The following FAAP100 variants were observed in gnomAD, a reference collection of about 807,000 sequenced individuals.
FAAP100 encodes the protein Fanconi anemia core complex-associated protein 100.
A neutral mutation model predicts 65.8 loss-of-function variants in FAAP100; 46 were observed. The ratio of observed to expected loss-of-function variants is 0.70; its 90% CI spans 0.55 to 0.89. The LOEUF is 0.89. Ranked by LOEUF, FAAP100 falls within the 40% of genes least tolerant of loss-of-function variation. The probability of loss-of-function intolerance (pLI) is 0.00; values close to 1 mark genes in which losing one functional copy is unlikely to be tolerated. For synonymous variants in FAAP100, 663 were observed against 555.1 expected (o/e 1.19, Z -2.73); for missense variants, 1,165 against 1,196.7 (o/e 0.97, Z 0.39).
chr17:81,546,879 G>C, intron 5 of FAAP100, 30 bp downstream of exon 5: 1 of 1,362,028 alleles, frequency 7.3e-7, no homozygotes, highest in Non-Finnish European at 9.5e-7. Context: ...AAATCCCCAA[G>C]GCTGAGCAAA....
Position 81,551,900 on chromosome 17 carries a change from G to T in FAAP100, c.290+28C>A, listed in dbSNP as rs753881970. ...CAGTCCGGGGGCAGCAGGAGTGTGCGGGAGGGAGGCCGCGGGCCCGCCCTC... is the reference window on the plus strand; with the variant it reads ...CAGTCCGGGGGCAGCAGGAGTGTGCTGGAGGGAGGCCGCGGGCCCGCCCTC... On this transcript the variant is annotated intron_variant, in intron 2 of 8. Coordinates refer to ENST00000327787, the MANE Select transcript of FAAP100 (RefSeq NM_025161.6). 2.1e-5 allele frequency: 32 copies of T among 1,530,828 alleles called. No individual in the cohort carries two copies. In the African/African-American group the frequency reaches 2.6e-4, roughly 12 times the overall value. The allele number at this position is 1,530,828 out of a possible 1,614,324, so 94.8% of individuals were successfully genotyped here.
At chr17:81,552,633 A>C (rs1358588528), upstream of FAAP100, among the ~76,000 whole-genome samples, 2 of 152,066 alleles carry the variant, frequency 1.3e-5, no homozygotes, top group Non-Finnish European at 2.9e-5. Flanking sequence ...CGGGTTCCCC[A>C]GGGTGGGGAA....
In FAAP100 at chr17:81,544,106, G is replaced by A. The variant is rs1182475583; in HGVS notation, c.2325C>T (p.Asp775=). 6.2e-7 allele frequency: 1 copy of A among 1,611,444 alleles called. No individual in the cohort carries two copies. Among genetic ancestry groups the A allele is most frequent in the African/African-American group, 1.3e-5 (1 of 74,894 alleles). ...HLIVREVAMT[D]LCPAGPIQAV... Reference sequence around the variant, plus strand: ...CCTGGATGGGCCCTGCTGGGCACAGGTCAGTCATGGCCACCTGCAACACAG... The same window carrying A: ...CCTGGATGGGCCCTGCTGGGCACAGATCAGTCATGGCCACCTGCAACACAG... The change falls in exon 7 of 9, where the codon GAC becomes GAT. Residue 775 remains aspartate, a synonymous_variant. Transcript: ENST00000327787.
rs750191062 is a variant in FAAP100, at chr17:81,541,371, G to A, written c.2452C>T (p.Gln818Ter). Residue 818 changes from glutamine to a stop codon, truncating the protein, a stop_gained, in exon 8 of 9, where the codon CAG becomes TAG. Coordinates refer to ENST00000327787, the MANE Select transcript of FAAP100 (RefSeq NM_025161.6). LOFTEE classifies it high-confidence loss of function. Reference protein sequence around the residue: ...MQTMVTEQATQGSSAPDLRVQ... With the variant: ...MQTMVTEQAT ...CGGAGATCAGGAGCGCTGGAGCCCT[G>A]GGTGGCCTGCTCTGTCACCATCGTC... The A allele has an allele frequency of 1.9e-6, 3 of 1,611,384 alleles. No homozygotes were observed. The highest frequency in any genetic ancestry group is 2.7e-5 in the African/African-American group (2 of 74,930).
chr17:81,540,760 T>G lies in FAAP100; in HGVS notation c.*59A>C. ...CGGTTTCCCTCTAACCCATGAGGCC[T>G]GGGGGGGCTGTGACAGAGGCTGGAA... is the stretch of plus-strand genomic sequence containing the variant. On this transcript the variant is annotated 3_prime_UTR_variant, in exon 9 of 9. Coordinates refer to ENST00000327787, the MANE Select transcript of FAAP100 (RefSeq NM_025161.6). 6.9e-7 allele frequency: 1 copy of G among 1,453,208 alleles called. No homozygotes were observed. The allele number at this position is 1,453,208 out of a possible 1,614,324, so 90.0% of individuals were successfully genotyped here. A position where few individuals can be genotyped will look rare whatever the true frequency, so the allele number is the denominator to read the frequency against.
In FAAP100 at chr17:81,551,975, G is replaced by T; in HGVS notation, c.243C>A (p.Ala81=). 6.4e-7 allele frequency: 1 copy of T among 1,565,394 alleles called. No homozygotes were observed. The change falls in exon 2 of 9, where the codon GCC becomes GCA. Residue 81 remains alanine (A), a synonymous_variant. Coordinates refer to ENST00000327787, the MANE Select transcript of FAAP100 (RefSeq NM_025161.6). ...APRRLLYALC[A]RRGLYCLSLD... is the part of the protein sequence containing the mutation. ...GCGACAGGCAGTAGAGGCCCCTCCG[G>T]GCGCACAGCGCGTACAGCAACCTGC... is the stretch of plus-strand genomic sequence containing the variant.
At chr17:81,544,659 G>A (rs2033235006) in intron 6 of FAAP100, among the ~76,000 whole-genome samples, 1 of 152,232 alleles carries the variant, frequency 6.6e-6, no homozygotes, top group South Asian at 2.1e-4. Flanking sequence ...GGCAAGAACA[G>A]GCCAAGAGCC....
chr17:81,542,625 C>T (rs1309389064), intron 7 of FAAP100, among the ~76,000 whole-genome samples: 1 of 152,172 alleles, frequency 6.6e-6, no homozygotes, highest in Non-Finnish European at 1.5e-5. Context: ...AGATCTGTGT[C>T]CAGGAGGCAG....
At chr17:81,549,129 G>C (rs2033407244) in intron 4 of FAAP100, 77 bp downstream of exon 4, 2 of 1,543,110 alleles carry the variant, frequency 1.3e-6, no homozygotes, top group African/African-American at 1.4e-5. Flanking sequence ...CTCACACCCA[G>C]GACGACCCCA....
Position 81,550,867 on chromosome 17 carries a change from G to C in FAAP100, c.627C>G (p.His209Gln). The C allele has an allele frequency of 6.2e-7, 1 of 1,612,246 alleles. No individual in the cohort carries two copies. Among genetic ancestry groups the C allele is most frequent in the Non-Finnish European group, 8.5e-7 (1 of 1,179,704 alleles). ...AGCCCCCGGAGCCCCCGAGGAGGTC[G>C]TGCGGGACCCTGGAGCCTGATGGTG... is the stretch of plus-strand genomic sequence containing the variant. The part of the protein sequence containing the change: ...SVSPSGSRVP[H>Q]DLLGGSGGFT... The change falls in exon 3 of 9, where the codon CAC becomes CAG. Residue 209 changes from histidine (H) to glutamine (Q), a missense_variant. By Grantham distance (24) the His-to-Gln change is conservative (BLOSUM62 0). Transcript: ENST00000327787.
chr17:81,547,288 C>T lies in FAAP100; in HGVS notation c.1794G>A (p.Val598=). Residue 598 remains valine (V), a synonymous_variant, in exon 5 of 9, where the codon GTG becomes GTA. Transcript: ENST00000327787. The stretch of plus-strand genomic sequence containing the variant: ...TGAGACTGTAGAACAGCGTGCAGGA[C>T]ACGGTCACGGGCAGGTCGAGCCCGC... ...ENGGLDLPVT[V]SCTLFYSLRE... is the part of the protein sequence containing the mutation. 6.2e-7 allele frequency: 1 copy of T among 1,611,686 alleles called. No homozygotes were observed. The highest frequency in any genetic ancestry group is 8.5e-7 in the Non-Finnish European group (1 of 1,179,332).
Position 81,545,727 on chromosome 17 carries a change from T to C in FAAP100, c.2310+19A>G. 6.2e-7 allele frequency: 1 copy of C among 1,602,338 alleles called. No homozygotes were observed. Among genetic ancestry groups the C allele is most frequent in the Middle Eastern group, 1.7e-4 (1 of 6,008 alleles). On this transcript the variant is annotated intron_variant, in intron 6 of 8. Coordinates refer to ENST00000327787, the MANE Select transcript of FAAP100 (RefSeq NM_025161.6). Reference sequence around the variant, plus strand: ...AGAACTGCTGGTGCCGTGGCTCGTTTCCCTGAACCCCTGCTTGCCTCTCGG... The same window carrying C: ...AGAACTGCTGGTGCCGTGGCTCGTTCCCCTGAACCCCTGCTTGCCTCTCGG...
intron 2 of FAAP100, 118 bp from the exon 3 acceptor site, chr17:81,551,321 C>T (rs1272628137): frequency 6.0e-6 from 6 of 1,005,980 alleles, no homozygotes; most frequent in South Asian, 1.9e-5. Context: ...CCCCCAAGGC[C>T]GCTCAGCAGT....
At chr17:81,545,700 C>T in intron 6 of FAAP100, 46 bp downstream of exon 6, 2 of 1,579,562 alleles carry the variant, frequency 1.3e-6, no homozygotes, top group South Asian at 2.3e-5. Context: ...GGCCCCACCC[C>T]AAGAACTGCT....
intron 2 of FAAP100, 97 bp downstream of exon 2, chr17:81,551,831 C>T: frequency 7.2e-7 from 1 of 1,394,842 alleles, no homozygotes; most frequent in Non-Finnish European, 9.2e-7. Flanking sequence ...CTGGCGGCAG[C>T]CCGGGTCCCC....
In FAAP100 at chr17:81,551,221, C is replaced by T; in HGVS notation, c.291-18G>A. 1.3e-6 allele frequency: 2 copies of T among 1,500,516 alleles called. No individual in the cohort carries two copies. The highest frequency in any genetic ancestry group is 1.8e-6 in the Non-Finnish European group (2 of 1,116,262). The allele number at this position is 1,500,516 out of a possible 1,614,324, so 93.0% of individuals were successfully genotyped here. ...TCGTAGACCTTTGAGAACAGGGACG[C>T]ACTGGTCAGGCCTGGGCAGGGTGGG... is the stretch of plus-strand genomic sequence containing the variant. On this transcript the variant is annotated intron_variant, in intron 2 of 8. Transcript: ENST00000327787.
At chr17:81,549,745 G>A (rs905158292) in intron 3 of FAAP100, among the ~76,000 whole-genome samples, 2 of 152,138 alleles carry the variant, frequency 1.3e-5, no homozygotes, top group Admixed American at 6.5e-5. Flanking sequence ...CCCAACACTG[G>A]GCACACACAG....
At chr17:81,544,966 C>T (rs1170653509) in intron 6 of FAAP100, among the ~76,000 whole-genome samples, 1 of 152,178 alleles carries the variant, frequency 6.6e-6, no homozygotes, top group Non-Finnish European at 1.5e-5. Flanking sequence ...GTCAGGAGCT[C>T]AAGACCAGCC....
intron 7 of FAAP100, among the ~76,000 whole-genome samples, chr17:81,543,579 C>G (rs372247279): frequency 6.6e-6 from 1 of 152,140 alleles, no homozygotes; most frequent in Admixed American, 6.5e-5. Context: ...CTGCAAACTC[C>G]ACTCTCTTGG....
Sources: allele counts gnomAD v4.1 joint callset (sites outside exome capture counted in the v4.1 genomes callset), GRCh38; gene constraint gnomAD v4.1.1; transcripts MANE v1.5; gene names NCBI Gene and HGNC (gene_info 2026-07-23, HGNC 2026-07-21).